The following GRID2 variants were observed in gnomAD, a reference collection of about 807,000 sequenced individuals.
GRID2 encodes the protein glutamate ionotropic receptor delta type subunit 2, also known as glutamate receptor ionotropic, delta-2.
A neutral mutation model predicts 114.8 loss-of-function variants in GRID2; 33 were observed. The ratio of observed to expected loss-of-function variants is 0.29; its 90% CI spans 0.22 to 0.38. The LOEUF is 0.38. GRID2 is among the 10% of genes least tolerant of loss of function. GRID2 has a pLI of 1.00. For synonymous variants in GRID2, 505 were observed against 449.9 expected, an observed-to-expected ratio of 1.12 and a Z score of -1.55; for missense variants, 1,184 against 1,257.7, an observed-to-expected ratio of 0.94 and a Z score of 0.89.
intron 14 of GRID2, among the ~76,000 whole-genome samples, chr4:93,738,475 T>C (rs1335664509): frequency 1.3e-5 from 2 of 152,058 alleles, no homozygotes; most frequent in Non-Finnish European, 2.9e-5. Flanking sequence ...CCCAGAGCAA[T>C]GGCTGTGGAG....
intron 2 of GRID2, among the ~76,000 whole-genome samples, chr4:92,684,698 A>G: frequency 6.6e-6 from 1 of 152,102 alleles, no homozygotes; most frequent in East Asian, 1.9e-4. Flanking sequence ...GTATATTGCC[A>G]CACATTACCT....
intron 14 of GRID2, among the ~76,000 whole-genome samples, chr4:93,696,093 A>G (rs571727337): frequency 6.6e-6 from 1 of 152,186 alleles, no homozygotes; most frequent in South Asian, 2.1e-4. Flanking sequence ...ATGAAATTCT[A>G]TTTCCAAAGG....
intron 7 of GRID2, among the ~76,000 whole-genome samples, chr4:93,230,667 T>G (rs1410789844): frequency 6.6e-6 from 1 of 152,044 alleles, no homozygotes; most frequent in Non-Finnish European, 1.5e-5. Context: ...AAATACCAGG[T>G]TTTTTGGTTT....
At chr4:93,016,256 T>C (rs1722700847) in intron 2 of GRID2, among the ~76,000 whole-genome samples, 1 of 152,052 alleles carries the variant, frequency 6.6e-6, no homozygotes, top group Non-Finnish European at 1.5e-5. Flanking sequence ...TAGGGAAGGA[T>C]GTCTAGCTTC....
intron 9 of GRID2, among the ~76,000 whole-genome samples, chr4:93,418,847 G>A (rs1281007812): frequency 6.6e-6 from 1 of 151,962 alleles, no homozygotes; most frequent in Non-Finnish European, 1.5e-5. Context: ...GCCTCCATCA[G>A]GGTACCACCA....
intron 2 of GRID2, among the ~76,000 whole-genome samples, chr4:92,599,049 T>TC (rs1211999909): frequency 1.4e-5 from 2 of 146,382 alleles, no homozygotes; most frequent in African/African-American, 5.3e-5. Context: ...TTTTTTTTTT[T>TC]CCTGTCTCTC....
intron 1 of GRID2, among the ~76,000 whole-genome samples, chr4:92,384,233 T>C (rs967474766): frequency 6.7e-6 from 1 of 150,040 alleles, no homozygotes; most frequent in African/African-American, 2.5e-5. Flanking sequence ...GTTTCTTTTG[T>C]TTACTGCTGT....
intron 1 of GRID2, among the ~76,000 whole-genome samples, chr4:92,441,035 G>A (rs941165279): frequency 6.6e-6 from 1 of 151,958 alleles, no homozygotes; most frequent in African/African-American, 2.4e-5. Context: ...AAGTATTAAA[G>A]CAGCGGCAGC....
chr4:92,521,215 A>T (rs1272951973), intron 1 of GRID2, among the ~76,000 whole-genome samples: 1 of 151,876 alleles, frequency 6.6e-6, no homozygotes, highest in Non-Finnish European at 1.5e-5. Context: ...ATAAACATTT[A>T]AAAAAATTCC....
chr4:92,857,953 A>C (rs1744284562), intron 2 of GRID2, among the ~76,000 whole-genome samples: 1 of 152,206 alleles, frequency 6.6e-6, no homozygotes, highest in Non-Finnish European at 1.5e-5. Flanking sequence ...ATTATGCTAA[A>C]TCTATTATGC....
At chr4:93,058,061 G>A (rs897373157) in intron 2 of GRID2, among the ~76,000 whole-genome samples, 15 of 148,640 alleles carry the variant, frequency 1.0e-4, no homozygotes, top group Admixed American at 2.0e-4. Flanking sequence ...CCAAAATAAA[G>A]AAGGATGTTA....
chr4:92,399,636 G>GCTCTCTCTCT (rs749067156), intron 1 of GRID2, among the ~76,000 whole-genome samples: 2 of 141,818 alleles, frequency 1.4e-5, no homozygotes, highest in Non-Finnish European at 3.1e-5. Flanking sequence ...AATAAAAGCA[G>GCTCTCTCTCT]CTCTCTCTCT....
At position 92,900,833 on chromosome 4, in the gene GRID2, CAAAAAAAAAAAAAAAA is replaced by C. The variant is rs34089162; in HGVS notation, c.245-184152_245-184137del. Among the ~76,000 whole-genome samples, 127 of 72,346 alleles carry C rather than the reference CAAAAAAAAAAAAAAAA, an allele frequency of 1.8e-3. 2 individuals are homozygous for C. The highest frequency in any genetic ancestry group is 5.9e-3 in the African/African-American group (113 of 19,032). 47.5% of individuals were successfully genotyped at this position (72,346 alleles called of 152,430 possible). ...TGGGCGACAGAGTGAGACTTCGTCT[CAAAAAAAAAAAAAAAA>C]AAAAAAAAAGATAATGCCTTACAGT... On this transcript the variant is annotated intron_variant, in intron 2 of 15. Coordinates refer to ENST00000282020, the MANE Select transcript of GRID2 (RefSeq NM_001510.4).
At chr4:93,733,043 T>G (rs1370352237) in intron 14 of GRID2, among the ~76,000 whole-genome samples, 2 of 152,196 alleles carry the variant, frequency 1.3e-5, no homozygotes, top group Non-Finnish European at 1.5e-5. Flanking sequence ...TGTATTGTTT[T>G]TACAACTGAA....
At chr4:93,633,911 A>T (rs186727462) in intron 14 of GRID2, among the ~76,000 whole-genome samples, 2 of 152,290 alleles carry the variant, frequency 1.3e-5, no homozygotes, top group East Asian at 3.9e-4. Context: ...GGAAAAAAGC[A>T]GCCCCCATTG....
chr4:93,327,370 C>T (rs1388186714), intron 8 of GRID2, among the ~76,000 whole-genome samples: 1 of 152,094 alleles, frequency 6.6e-6, no homozygotes, highest in Non-Finnish European at 1.5e-5. Context: ...GTCAACAATA[C>T]AGTAATGTGT....
intron 2 of GRID2, among the ~76,000 whole-genome samples, chr4:92,904,980 C>G (rs981009779): frequency 2.0e-5 from 3 of 151,960 alleles, no homozygotes; most frequent in African/African-American, 7.2e-5. Context: ...CTGAACAATT[C>G]AAGGTGGCAA....
intron 9 of GRID2, among the ~76,000 whole-genome samples, chr4:93,399,251 C>A (rs1765655467): frequency 6.6e-6 from 1 of 152,070 alleles, no homozygotes; most frequent in Non-Finnish European, 1.5e-5. Context: ...CTAGTCTTAG[C>A]TCTACCCACT....
intron 2 of GRID2, among the ~76,000 whole-genome samples, chr4:92,875,136 A>G (rs1745528230): frequency 6.9e-6 from 1 of 145,812 alleles, no homozygotes; most frequent in Non-Finnish European, 1.5e-5. Context: ...GAAACTAAAT[A>G]TTAACTCAAA....
Sources: allele counts gnomAD v4.1 joint callset (sites outside exome capture counted in the v4.1 genomes callset), GRCh38; gene constraint gnomAD v4.1.1; transcripts MANE v1.5; gene names NCBI Gene and HGNC (gene_info 2026-07-23, HGNC 2026-07-21).